BMPER: variants seen among roughly 807,000 people sequenced by gnomAD.
BMPER encodes the protein BMP-binding endothelial regulator protein.
Under a neutral mutation model 87.3 loss-of-function variants are expected in BMPER, and 45 were observed. The observed-to-expected ratio is 0.52, with a 90% CI of 0.41 to 0.66. The LOEUF (loss-of-function observed/expected upper bound fraction) is 0.66. Among genes scored for constraint, BMPER ranks in the 30% least tolerant of loss-of-function variants. The pLI, the probability that BMPER is intolerant of heterozygous loss-of-function variation, is 0.00. For missense variants in BMPER, 784 were observed against 867.5 expected, an observed-to-expected ratio of 0.90 and a Z score of 1.21; for synonymous variants, 326 against 316.2, an observed-to-expected ratio of 1.03 and a Z score of -0.33.
At chr7:34,064,691 C>T (rs1340550165) in intron 11 of BMPER, among the ~76,000 whole-genome samples, 1 of 152,110 alleles carries the variant, frequency 6.6e-6, no homozygotes, top group African/African-American at 2.4e-5. Flanking sequence ...CTGGAAGGGC[C>T]CAGGCATGTG....
chr7:33,993,949 G>A (rs1326985837), intron 6 of BMPER, among the ~76,000 whole-genome samples: 1 of 152,182 alleles, frequency 6.6e-6, no homozygotes, highest in South Asian at 2.1e-4. Flanking sequence ...AGGGGTCAGG[G>A]ACCCACTTGA....
intron 11 of BMPER, among the ~76,000 whole-genome samples, chr7:34,065,245 T>TCTCC (rs1562720579): frequency 2.7e-5 from 4 of 147,352 alleles, no homozygotes; most frequent in Non-Finnish European, 6.0e-5. Context: ...TCTCTCTCTC[T>TCTCC]CTCCCTCTCT....
chr7:34,153,621 G>A lies in BMPER; in HGVS notation c.*348G>A. On this transcript the variant is annotated 3_prime_UTR_variant, in exon 15 of 15. Transcript: ENST00000649409. ...ATCACATACATTTGTCATTTTTAAGGAAGTTTTCTAAGAGCCCTCAATTGC... is the reference window on the plus strand; with the variant it reads ...ATCACATACATTTGTCATTTTTAAGAAAGTTTTCTAAGAGCCCTCAATTGC... 1 of 195,060 alleles carries A rather than the reference G, an allele frequency of 5.1e-6. No individual in the cohort carries two copies. The allele number at this position is 195,060 out of a possible 1,614,324, so 12.1% of individuals were successfully genotyped here.
intron 6 of BMPER, among the ~76,000 whole-genome samples, chr7:33,999,785 A>C (rs752925326): frequency 3.3e-5 from 5 of 152,240 alleles, no homozygotes; most frequent in Non-Finnish European, 7.3e-5. Flanking sequence ...ACAAGGCTTA[A>C]AGGAGGGCAG....
intron 4 of BMPER, 40 bp downstream of exon 4, chr7:33,966,601 C>T: frequency 6.4e-7 from 1 of 1,571,678 alleles, no homozygotes. Flanking sequence ...AAAAGGAATC[C>T]ATAGAGTCCT....
At chr7:34,048,328 C>A (rs892642003) in intron 7 of BMPER, among the ~76,000 whole-genome samples, 1 of 152,120 alleles carries the variant, frequency 6.6e-6, no homozygotes, top group African/African-American at 2.4e-5. Context: ...TACACACACA[C>A]AAACACACAT....
chr7:34,079,094 G>A lies in BMPER; in HGVS notation c.1316G>A (p.Arg439His). 1.9e-6 allele frequency: 3 copies of A among 1,613,942 alleles called. No homozygotes were observed. The highest frequency in any genetic ancestry group is 2.2e-5 in the East Asian group (1 of 44,872). The change falls in exon 12 of 15, where the codon CGC (arginine) becomes CAC (histidine). Residue 439 changes from arginine to histidine, a missense_variant. Transcript: ENST00000649409. ...RVSLQQHLTV[R>H]WNGSRIALPC... The stretch of plus-strand genomic sequence containing the variant: ...AGCCTGCAGCAGCACCTCACCGTGC[G>A]CTGGAACGGCTCGCGCATCGCGCTC...
At chr7:34,028,845 C>T (rs1277472950) in intron 6 of BMPER, among the ~76,000 whole-genome samples, 1 of 151,648 alleles carries the variant, frequency 6.6e-6, no homozygotes, top group Admixed American at 6.6e-5. Context: ...TGGCCAACTC[C>T]TCCATGTGGA....
chr7:34,126,210 C>G (rs1411894746), intron 13 of BMPER, among the ~76,000 whole-genome samples: 1 of 152,158 alleles, frequency 6.6e-6, no homozygotes. Flanking sequence ...TCCAGTTAGC[C>G]TGGAAGATTG....
chr7:33,950,959 C>A (rs532187447), intron 3 of BMPER, among the ~76,000 whole-genome samples: 1 of 152,194 alleles, frequency 6.6e-6, no homozygotes, highest in East Asian at 1.9e-4. Flanking sequence ...CATTCCCTCT[C>A]CTCCTCTGGT....
chr7:33,906,790 T>C, intron 1 of BMPER, 28 bp from the exon 2 acceptor site: 1 of 1,589,000 alleles, frequency 6.3e-7, no homozygotes, highest in Non-Finnish European at 8.6e-7. Context: ...TAACTTTAAA[T>C]GAAACATTTT....
intron 6 of BMPER, among the ~76,000 whole-genome samples, chr7:34,007,117 C>G (rs1786755765): frequency 6.6e-6 from 1 of 151,976 alleles, no homozygotes; most frequent in Non-Finnish European, 1.5e-5. Flanking sequence ...CTTAACATCA[C>G]TAAAATAAGA....
At chr7:34,086,158 T>G (rs1585817668) in intron 13 of BMPER, 66 bp downstream of exon 13, 1 of 1,538,086 alleles carries the variant, frequency 6.5e-7, no homozygotes, top group South Asian at 1.1e-5. Flanking sequence ...CCTTGGAACA[T>G]GGTGTATGAA....
At chr7:34,002,542 T>C (rs1340782923) in intron 6 of BMPER, among the ~76,000 whole-genome samples, 1 of 151,864 alleles carries the variant, frequency 6.6e-6, no homozygotes, top group Non-Finnish European at 1.5e-5. Context: ...TAGGCCTACT[T>C]GATTAACAGT....
intron 2 of BMPER, among the ~76,000 whole-genome samples, chr7:33,910,422 C>T (rs908464437): frequency 7.9e-5 from 12 of 152,272 alleles, no homozygotes; most frequent in African/African-American, 2.2e-4. Flanking sequence ...TCCCTAGGTC[C>T]ACCAAGCACA....
chr7:33,989,975 A>G (rs1224769236), intron 6 of BMPER, among the ~76,000 whole-genome samples: 1 of 151,970 alleles, frequency 6.6e-6, no homozygotes, highest in African/African-American at 2.4e-5. Context: ...ATTGATCTGT[A>G]TCTCTGTTTT....
At chr7:33,985,299 A>G (rs1328083018) in intron 6 of BMPER, among the ~76,000 whole-genome samples, 2 of 152,026 alleles carry the variant, frequency 1.3e-5, no homozygotes, top group African/African-American at 2.4e-5. Flanking sequence ...TATCCTTGTT[A>G]TTTTCATTTA....
intron 13 of BMPER, among the ~76,000 whole-genome samples, chr7:34,089,720 G>C (rs1201479387): frequency 6.6e-6 from 1 of 152,190 alleles, no homozygotes; most frequent in South Asian, 2.1e-4. Flanking sequence ...CTGACCTCAG[G>C]TGATCTGCCT....
chr7:34,031,627 A>G (rs188000198), intron 6 of BMPER, among the ~76,000 whole-genome samples: 1 of 151,734 alleles, frequency 6.6e-6, no homozygotes, highest in East Asian at 2.0e-4. Flanking sequence ...AGTGAAATAT[A>G]CTTTGACTGG....
Sources: allele counts gnomAD v4.1 joint callset (sites outside exome capture counted in the v4.1 genomes callset), GRCh38; gene constraint gnomAD v4.1.1; transcripts MANE v1.5; gene names NCBI Gene and HGNC (gene_info 2026-07-23, HGNC 2026-07-21).